Variants in CDH13 observed in about 807,000 individuals in gnomAD.
CDH13 encodes cadherin 13.
Under a neutral mutation model 63.8 loss-of-function variants are expected in CDH13, and 24 were observed. That is an observed-to-expected ratio of 0.38 (90% CI 0.27 to 0.53). The LOEUF (loss-of-function observed/expected upper bound fraction) is 0.53, where lower values mean the gene tolerates loss of function less well. Among genes scored for constraint, CDH13 ranks in the 20% least tolerant of loss-of-function variants. CDH13 has a pLI of 0.85. For missense variants in CDH13, 1,049 were observed against 903.1 expected (o/e 1.16, Z -2.07); for synonymous variants, 503 against 355.3 (o/e 1.42, Z -4.67).
At chr16:83,367,534 A>G (rs2091281661) in intron 6 of CDH13, among the ~76,000 whole-genome samples, 1 of 152,184 alleles carries the variant, frequency 6.6e-6, no homozygotes, top group Non-Finnish European at 1.5e-5. Context: ...GCTGAGTTAT[A>G]AAGTGACTCT....
chr16:83,487,478 G>A (rs548464171), intron 7 of CDH13, among the ~76,000 whole-genome samples: 17 of 152,182 alleles, frequency 1.1e-4, no homozygotes, highest in East Asian at 7.7e-4. Context: ...CCTCGATTAC[G>A]TTTCCACGTG....
chr16:83,451,401 C>G (rs552043668), intron 6 of CDH13, among the ~76,000 whole-genome samples: 134 of 152,286 alleles, frequency 8.8e-4, no homozygotes, highest in African/African-American at 3.2e-3. Flanking sequence ...AAATACCTGC[C>G]CCCATGATTT....
chr16:83,020,448 G>A (rs1400371791), intron 2 of CDH13, among the ~76,000 whole-genome samples: 1 of 152,118 alleles, frequency 6.6e-6, no homozygotes, highest in Non-Finnish European at 1.5e-5. Context: ...TACCCCTCAA[G>A]GTGCCAACAG....
At chr16:83,717,735 C>G (rs1306164686) in intron 10 of CDH13, 1 of 152,288 alleles carries the variant, frequency 6.6e-6, no homozygotes, top group Non-Finnish European at 1.5e-5. Context: ...AAAAAGTAGG[C>G]CAATTAACCA....
At chr16:83,253,352 C>A (rs60836760) in intron 5 of CDH13, among the ~76,000 whole-genome samples, 8,616 of 152,236 alleles carry the variant, frequency 0.057, 793 homozygotes, top group African/African-American at 0.19. Context: ...CAGAGCATTG[C>A]GTGAGTGTGG....
intron 1 of CDH13, chr16:82,637,727 G>A (rs1908852733): frequency 6.6e-6 from 1 of 152,256 alleles, no homozygotes; most frequent in Non-Finnish European, 1.5e-5. Flanking sequence ...GTGAGCCACA[G>A]CGCCCGGCCT....
chr16:82,768,642 C>A (rs2035150061), intron 1 of CDH13, among the ~76,000 whole-genome samples: 1 of 152,130 alleles, frequency 6.6e-6, no homozygotes, highest in Non-Finnish European at 1.5e-5. Context: ...ATCTTTGGGG[C>A]AGGTTAGGAG....
chr16:82,988,287 G>A (rs1374577311), intron 2 of CDH13, among the ~76,000 whole-genome samples: 1 of 152,146 alleles, frequency 6.6e-6, no homozygotes, highest in Non-Finnish European at 1.5e-5. Flanking sequence ...AATGCACTGG[G>A]GGCATCCAAG....
At chr16:83,363,914 G>A (rs1018984449) in intron 6 of CDH13, among the ~76,000 whole-genome samples, 1 of 152,114 alleles carries the variant, frequency 6.6e-6, no homozygotes, top group Non-Finnish European at 1.5e-5. Flanking sequence ...TTGTGACCTT[G>A]GGAGTGTAAG....
chr16:83,058,396 G>A (rs1300852035), intron 3 of CDH13, among the ~76,000 whole-genome samples: 1 of 152,204 alleles, frequency 6.6e-6, no homozygotes, highest in Non-Finnish European at 1.5e-5. Context: ...TTCTTCTCTG[G>A]CGGTTTGGTG....
At chr16:82,757,052 G>A (rs1408101357) in intron 1 of CDH13, among the ~76,000 whole-genome samples, 1 of 152,008 alleles carries the variant, frequency 6.6e-6, no homozygotes, top group Non-Finnish European at 1.5e-5. Context: ...CAGGATCCAT[G>A]GGGACATTGA....
intron 6 of CDH13, among the ~76,000 whole-genome samples, chr16:83,406,416 T>TCCC (rs1567650653): frequency 3.7e-5 from 5 of 135,252 alleles, no homozygotes; most frequent in African/African-American, 1.3e-4. Flanking sequence ...CTCTCTTTCT[T>TCCC]TCCCCCCCCG....
chr16:82,881,608 A>C (rs965812186), intron 2 of CDH13, among the ~76,000 whole-genome samples: 9 of 152,236 alleles, frequency 5.9e-5, no homozygotes, highest in Non-Finnish European at 8.8e-5. Flanking sequence ...CCTGGGAAAC[A>C]TAGTCCTTCC....
At chr16:83,538,456 GA>G (rs1296854291) in intron 7 of CDH13, among the ~76,000 whole-genome samples, 1 of 152,160 alleles carries the variant, frequency 6.6e-6, no homozygotes, top group Non-Finnish European at 1.5e-5. Context: ...AGTCTGAATT[GA>G]AATGACTTTT....
chr16:83,171,098 G>A (rs1309917531), intron 4 of CDH13, among the ~76,000 whole-genome samples: 1 of 152,074 alleles, frequency 6.6e-6, no homozygotes, highest in Non-Finnish European at 1.5e-5. Flanking sequence ...TTCGCTCGTG[G>A]TTCTGCAGGC....
chr16:83,141,953 C>T (rs900899881), intron 4 of CDH13, among the ~76,000 whole-genome samples: 4 of 152,144 alleles, frequency 2.6e-5, no homozygotes, highest in African/African-American at 4.8e-5. Flanking sequence ...TCAGAGCACA[C>T]TGCAGGACCC....
intron 4 of CDH13, among the ~76,000 whole-genome samples, chr16:83,139,493 C>A (rs2036439991): frequency 6.6e-6 from 1 of 152,150 alleles, no homozygotes; most frequent in South Asian, 2.1e-4. Flanking sequence ...AATTCACAGG[C>A]TCTGTGTTGC....
chr16:83,357,748 G>A (rs78724516), intron 6 of CDH13, among the ~76,000 whole-genome samples: 7,324 of 152,236 alleles, frequency 0.048, 234 homozygotes, highest in Non-Finnish European at 0.066. Flanking sequence ...TCCCTAAATG[G>A]AGAAAATGTG....
In CDH13 at chr16:82,631,024, C is replaced by G. The variant is rs370478192; in HGVS notation, c.45+3887C>G. Among the ~76,000 whole-genome samples the G allele has an allele frequency of 3.9e-5, 6 of 152,348 alleles. No homozygotes were observed. In the East Asian group the frequency reaches 9.6e-4, roughly 24 times the overall value. On this transcript the variant is annotated intron_variant, in intron 1 of 13. Coordinates refer to ENST00000567109, the MANE Select transcript of CDH13 (RefSeq NM_001257.5). ...CCACATTAATTGCCACAATCACCCCCAAATGAGAAATCCTGCCATTTTTCA... is the reference window on the plus strand; with the variant it reads ...CCACATTAATTGCCACAATCACCCCGAAATGAGAAATCCTGCCATTTTTCA...
Sources: gnomAD v4.1 joint callset for allele counts (sites outside exome capture counted in the v4.1 genomes callset) on GRCh38, gnomAD v4.1.1 for gene constraint, MANE v1.5 for transcripts, NCBI Gene and HGNC (gene_info 2026-07-23, HGNC 2026-07-21) for gene names.